Variants in TBC1D19 observed in about 807,000 individuals in gnomAD.
TBC1D19 encodes the protein TBC1 domain family member 19, also known as TBC1 domain family, member 19.
TBC1D19 carries 60 observed loss-of-function variants against 89.0 expected under a neutral mutation model. That is an observed-to-expected ratio of 0.67 (90% CI 0.55 to 0.84). The LOEUF is 0.84. TBC1D19 is among the 40% of genes least tolerant of loss of function. TBC1D19 has a pLI of 0.00. For synonymous variants in TBC1D19, 189 were observed against 199.7 expected (o/e 0.95, Z 0.45); for missense variants, 500 against 610.8 (o/e 0.82, Z 1.91).
intron 1 of TBC1D19, among the ~76,000 whole-genome samples, chr4:26,607,294 C>G (rs553123905): frequency 1.3e-5 from 2 of 152,158 alleles, no homozygotes; most frequent in Non-Finnish European, 2.9e-5. Context: ...TTCTAGCCCC[C>G]CTCACCCACC....
At chr4:26,670,644 T>C (rs575796414) in intron 9 of TBC1D19, among the ~76,000 whole-genome samples, 3 of 151,848 alleles carry the variant, frequency 2.0e-5, no homozygotes, top group African/African-American at 4.8e-5. Flanking sequence ...TTTTACAAAG[T>C]GAACACACTT....
chr4:26,810,671 T>A, the TBC1D19 span, among the ~76,000 whole-genome samples: 14 of 152,172 alleles, frequency 9.2e-5, no homozygotes, highest in Non-Finnish European at 1.6e-4. Flanking sequence ...CTCCCACTTG[T>A]CCTTGAAGAT....
At chr4:26,851,525 CCTT>C in the TBC1D19 span, among the ~76,000 whole-genome samples, 1 of 152,138 alleles carries the variant, frequency 6.6e-6, no homozygotes, top group African/African-American at 2.4e-5. Flanking sequence ...GAAATGATCT[CCTT>C]AACACCTCAA....
intron 7 of TBC1D19, among the ~76,000 whole-genome samples, chr4:26,643,657 C>T (rs1478525052): frequency 1.3e-5 from 2 of 151,888 alleles, no homozygotes. Context: ...TTGAAAAGAT[C>T]AACAAAATTG....
chr4:26,735,421 T>C, intron 15 of TBC1D19, 34 bp from the exon 16 acceptor site: 2 of 1,478,910 alleles, frequency 1.4e-6, no homozygotes, highest in Non-Finnish European at 9.1e-7. Context: ...GTAGGCCTAC[T>C]ACTTATTGAA....
chr4:26,808,566 A>C, the TBC1D19 span, among the ~76,000 whole-genome samples: 4 of 152,042 alleles, frequency 2.6e-5, no homozygotes, highest in South Asian at 8.3e-4. Context: ...TTCTCTACTA[A>C]AATACAAAAA....
the TBC1D19 span, among the ~76,000 whole-genome samples, chr4:26,843,662 G>A: frequency 6.6e-6 from 1 of 151,902 alleles, no homozygotes; most frequent in Non-Finnish European, 1.5e-5. Context: ...AGACAGATAC[G>A]ATCCTCAACT....
intron 3 of TBC1D19, among the ~76,000 whole-genome samples, chr4:26,617,972 A>G (rs1333764545): frequency 6.6e-6 from 1 of 152,230 alleles, no homozygotes; most frequent in Non-Finnish European, 1.5e-5. Flanking sequence ...GATACCTTAC[A>G]CTAGACCACA....
the TBC1D19 span, among the ~76,000 whole-genome samples, chr4:26,796,485 C>G: frequency 6.6e-6 from 1 of 151,948 alleles, no homozygotes; most frequent in Non-Finnish European, 1.5e-5. Flanking sequence ...TCTTTATGTT[C>G]TTTGCTCATA....
intron 1 of TBC1D19, among the ~76,000 whole-genome samples, chr4:26,605,190 C>T (rs1454130195): frequency 7.0e-6 from 1 of 142,174 alleles, no homozygotes; most frequent in Non-Finnish European, 1.5e-5. Flanking sequence ...TCTCCTAATG[C>T]TATCCCTCCC....
intron 7 of TBC1D19, among the ~76,000 whole-genome samples, chr4:26,643,341 G>A (rs1033178180): frequency 7.2e-5 from 11 of 152,172 alleles, no homozygotes; most frequent in Non-Finnish European, 1.5e-4. Flanking sequence ...GGTACATAAC[G>A]AAATGAAGGC....
upstream of TBC1D19, among the ~76,000 whole-genome samples, chr4:26,579,593 T>C (rs1739031077): frequency 6.6e-6 from 1 of 151,964 alleles, no homozygotes; most frequent in Non-Finnish European, 1.5e-5. Context: ...GCTGCACCTA[T>C]CAATCCATCA....
At chr4:26,687,901 G>A (rs13125612) in intron 12 of TBC1D19, among the ~76,000 whole-genome samples, 57,252 of 151,962 alleles carry the variant, frequency 0.38, 11,786 homozygotes, top group Non-Finnish European at 0.47. Flanking sequence ...TCAGTAACAA[G>A]TGGTGACTTG....
chr4:26,795,505 C>T, the TBC1D19 span, among the ~76,000 whole-genome samples: 5 of 152,270 alleles, frequency 3.3e-5, no homozygotes, highest in African/African-American at 1.2e-4. Flanking sequence ...ACCATCGTAT[C>T]CCCTGGCTCA....
chr4:26,621,028 C>T (rs191866761), intron 4 of TBC1D19, among the ~76,000 whole-genome samples: 1 of 152,074 alleles, frequency 6.6e-6, no homozygotes, highest in East Asian at 1.9e-4. Context: ...GAACTGACAC[C>T]CTCTTTCCTT....
intron 12 of TBC1D19, among the ~76,000 whole-genome samples, chr4:26,686,875 A>G (rs533925046): frequency 2.0e-5 from 3 of 152,326 alleles, no homozygotes; most frequent in Admixed American, 2.0e-4. Flanking sequence ...TACTTTGCTC[A>G]ACAGCCTGGT....
the TBC1D19 span, among the ~76,000 whole-genome samples, chr4:26,762,675 A>C: frequency 6.6e-6 from 1 of 152,210 alleles, no homozygotes; most frequent in East Asian, 1.9e-4. Flanking sequence ...GATGTTATTA[A>C]CAATTTTGAG....
the TBC1D19 span, among the ~76,000 whole-genome samples, chr4:26,798,243 C>T: frequency 6.6e-6 from 1 of 150,998 alleles, no homozygotes; most frequent in African/African-American, 2.4e-5. Flanking sequence ...CTAGCCATGT[C>T]TACAGGAGCA....
At chr4:26,639,254 G>T (rs905132617) in intron 6 of TBC1D19, among the ~76,000 whole-genome samples, 1 of 152,034 alleles carries the variant, frequency 6.6e-6, no homozygotes, top group African/African-American at 2.4e-5. Context: ...TTGCTATGTT[G>T]CCCTGGCTCT....
Sources: allele counts gnomAD v4.1 joint callset (sites outside exome capture counted in the v4.1 genomes callset), GRCh38; gene constraint gnomAD v4.1.1; transcripts MANE v1.5; gene names NCBI Gene and HGNC (gene_info 2026-07-23, HGNC 2026-07-21).